Variants in FGF12 observed in about 807,000 individuals in gnomAD.
The protein encoded by FGF12 is fibroblast growth factor 12, also known as fibroblast growth factor 12B.
In FGF12, 14 loss-of-function variants were observed where a neutral mutation model predicts 23.6. That is an observed-to-expected ratio of 0.59 (90% CI 0.39 to 0.93). The LOEUF (loss-of-function observed/expected upper bound fraction) is 0.93. Ranked by LOEUF, FGF12 falls within the 40% of genes least tolerant of loss-of-function variation. The pLI, the probability that FGF12 is intolerant of heterozygous loss-of-function variation, is 0.00. For synonymous variants in FGF12, 62 were observed against 77.3 expected, an observed-to-expected ratio of 0.80 and a Z score of 1.04; for missense variants, 175 against 217.8, an observed-to-expected ratio of 0.80 and a Z score of 1.24.
chr3:192,367,267 A>G (rs6777229), intron 2 of FGF12, among the ~76,000 whole-genome samples: 96,117 of 152,088 alleles, frequency 0.63, 32,882 homozygotes, highest in East Asian at 0.93. Context: ...TGTTAAACAT[A>G]GATTGTGGAG....
chr3:192,363,359 C>T lies in FGF12; in HGVS notation c.14-2821G>A, dbSNP rs6788068. On this transcript the variant is annotated intron_variant, in intron 2 of 5. Transcript: ENST00000445105. ...TCCTCTTTCTGTACCTGTAATTAAA[C>T]ACTTCTTTTGCCCTGGTGGAGCCAT... 9.7e-3 allele frequency among the ~76,000 whole-genome samples: 1,477 copies of T among 152,100 alleles called. 22 individuals are homozygous for T. The highest frequency in any genetic ancestry group is 0.034 in the African/African-American group (1,411 of 41,500).
chr3:192,439,937 C>T (rs995835337), intron 2 of FGF12, among the ~76,000 whole-genome samples: 11 of 147,986 alleles, frequency 7.4e-5, no homozygotes, highest in South Asian at 2.1e-4. Context: ...GATCGCGCCA[C>T]TGCATTCCAG....
At chr3:192,374,479 T>C (rs1275095828) in intron 2 of FGF12, among the ~76,000 whole-genome samples, 2 of 152,250 alleles carry the variant, frequency 1.3e-5, no homozygotes, top group Non-Finnish European at 2.9e-5. Context: ...ATCTTGATTA[T>C]GATTTGAAGA....
intron 2 of FGF12, among the ~76,000 whole-genome samples, chr3:192,372,318 C>T (rs1396354809): frequency 1.3e-5 from 2 of 151,974 alleles, no homozygotes; most frequent in Non-Finnish European, 2.9e-5. Context: ...TCATGCAGCC[C>T]AAATGTAAAT....
intron 2 of FGF12, among the ~76,000 whole-genome samples, chr3:192,670,574 G>A (rs1355253637): frequency 6.6e-6 from 1 of 152,132 alleles, no homozygotes; most frequent in Non-Finnish European, 1.5e-5. Flanking sequence ...TGATGTACAT[G>A]TATCCATTGG....
chr3:192,712,674 T>C (rs1345839367), intron 2 of FGF12, among the ~76,000 whole-genome samples: 1 of 152,020 alleles, frequency 6.6e-6, no homozygotes, highest in African/African-American at 2.4e-5. Flanking sequence ...TGTTCAAATA[T>C]GAGGAAAAAT....
intron 4 of FGF12, among the ~76,000 whole-genome samples, chr3:192,318,219 C>T (rs1716332490): frequency 6.6e-6 from 1 of 152,142 alleles, no homozygotes; most frequent in East Asian, 1.9e-4. Context: ...GCATCAAGAC[C>T]ATCCAGGAAA....
intron 2 of FGF12, among the ~76,000 whole-genome samples, chr3:192,608,719 T>C (rs950558913): frequency 1.6e-4 from 24 of 152,250 alleles, no homozygotes; most frequent in Admixed American, 1.6e-3. Flanking sequence ...GCTACTTTAC[T>C]GTGAACCTCA....
rs1440907872 is a variant in FGF12, at chr3:192,724,669, T to C, written c.13+2512A>G. On this transcript the variant is annotated intron_variant, in intron 2 of 5. Coordinates refer to ENST00000445105, the MANE Select transcript of FGF12 (RefSeq NM_004113.6). The stretch of plus-strand genomic sequence containing the variant: ...GAATTGAACCTCAGGTCAACTGATG[T>C]ATTTTCCTCTCTTCTTTACCCTGTA... 3.9e-5 allele frequency among the ~76,000 whole-genome samples: 6 copies of C among 152,252 alleles called. No homozygotes were observed. In the South Asian group the frequency reaches 1.2e-3, roughly 31 times the overall value.
chr3:192,283,684 T>C (rs1308306142), intron 4 of FGF12, among the ~76,000 whole-genome samples: 2 of 152,070 alleles, frequency 1.3e-5, no homozygotes, highest in African/African-American at 4.8e-5. Flanking sequence ...CTTTATTCCA[T>C]ATGAGATGTA....
At chr3:192,643,633 T>C (rs1303576914) in intron 2 of FGF12, among the ~76,000 whole-genome samples, 2 of 152,238 alleles carry the variant, frequency 1.3e-5, no homozygotes, top group African/African-American at 4.8e-5. Context: ...TTCAAGGCTC[T>C]GCTTCCTTGA....
chr3:192,517,656 C>T (rs1181288681), intron 2 of FGF12, among the ~76,000 whole-genome samples: 1 of 152,158 alleles, frequency 6.6e-6, no homozygotes, highest in Admixed American at 6.5e-5. Flanking sequence ...TATTTTCTTA[C>T]TGTATAGTAT....
chr3:192,644,619 C>T (rs964619013), intron 2 of FGF12, among the ~76,000 whole-genome samples: 9 of 152,264 alleles, frequency 5.9e-5, no homozygotes, highest in East Asian at 5.8e-4. Flanking sequence ...TAAGTAAATA[C>T]TTATTGTACG....
At chr3:192,636,941 T>G (rs986106150) in intron 2 of FGF12, among the ~76,000 whole-genome samples, 49 of 151,714 alleles carry the variant, frequency 3.2e-4, no homozygotes, top group African/African-American at 1.1e-3. Context: ...ATTAGGGAGG[T>G]GGGAGAAGGG....
intron 4 of FGF12, among the ~76,000 whole-genome samples, chr3:192,212,292 A>C (rs1030201484): frequency 1.3e-5 from 2 of 152,220 alleles, no homozygotes; most frequent in African/African-American, 4.8e-5. Context: ...TATATTGATA[A>C]TGAATACGAA....
rs1713433588 is a variant in FGF12 at position 192,142,202 on chromosome 3, A to AT, written c.*1806dup. On this transcript the variant is annotated 3_prime_UTR_variant, in exon 6 of 6. Transcript: ENST00000445105. The stretch of plus-strand genomic sequence containing the variant: ...CTGCTTAGGGAAATTCCTTCATTTC[A>AT]TTTTCTGCTAACCTCTAGATAACAG... 6.6e-6 allele frequency: 1 copy of AT among 152,510 alleles called. No homozygotes were observed. The highest frequency in any genetic ancestry group is 1.5e-5 in the Non-Finnish European group (1 of 67,942). 9.4% of individuals were successfully genotyped at this position (152,510 alleles called of 1,614,324 possible). A position where few individuals can be genotyped will look rare whatever the true frequency, so the allele number is the denominator to read the frequency against.
intron 4 of FGF12, among the ~76,000 whole-genome samples, chr3:192,265,636 T>C (rs1713033063): frequency 6.6e-6 from 1 of 151,944 alleles, no homozygotes. Context: ...TCAATATCTA[T>C]AAATGAGTTT....
At chr3:192,520,963 C>G (rs761864948) in intron 2 of FGF12, among the ~76,000 whole-genome samples, 2 of 152,134 alleles carry the variant, frequency 1.3e-5, no homozygotes, top group Non-Finnish European at 2.9e-5. Context: ...GTAGAAAACA[C>G]TGCTAACCAA....
chr3:192,676,043 A>G (rs1717317124), intron 2 of FGF12, among the ~76,000 whole-genome samples: 1 of 152,232 alleles, frequency 6.6e-6, no homozygotes, highest in South Asian at 2.1e-4. Context: ...CAAATGGAGA[A>G]TGTAGAGGAG....
Sources: gnomAD v4.1 joint callset for allele counts (sites outside exome capture counted in the v4.1 genomes callset) on GRCh38, gnomAD v4.1.1 for gene constraint, MANE v1.5 for transcripts, NCBI Gene and HGNC (gene_info 2026-07-23, HGNC 2026-07-21) for gene names.